The following DOP1B variants were observed in gnomAD, a reference collection of about 807,000 sequenced individuals.
The protein encoded by DOP1B is protein DOP1B.
A neutral mutation model predicts 233.5 loss-of-function variants in DOP1B; 174 were observed. That is an observed-to-expected ratio of 0.75 (90% confidence interval 0.66 to 0.85). The LOEUF is 0.85. DOP1B is among the 40% of genes least tolerant of loss of function. The pLI is 0.00. For synonymous variants in DOP1B, 1,190 were observed against 1,185.6 expected, an observed-to-expected ratio of 1.00 and a Z score of -0.08; for missense variants, 2,652 against 2,846.6, an observed-to-expected ratio of 0.93 and a Z score of 1.56.
At chr21:36,224,355 T>C (rs772433461) in intron 11 of DOP1B, among the ~76,000 whole-genome samples, 1 of 152,102 alleles carries the variant, frequency 6.6e-6, no homozygotes, top group Non-Finnish European at 1.5e-5. Flanking sequence ...AATTTTTGTA[T>C]TTTTAGTAGA....
At chr21:36,234,054 G>A (rs1248927888) in intron 15 of DOP1B, among the ~76,000 whole-genome samples, 2 of 151,728 alleles carry the variant, frequency 1.3e-5, no homozygotes, top group Non-Finnish European at 2.9e-5. Flanking sequence ...GGGTTTTACC[G>A]CATTGGCCAG....
intron 7 of DOP1B, among the ~76,000 whole-genome samples, chr21:36,213,832 G>A (rs1471893672): frequency 2.6e-5 from 4 of 151,882 alleles, no homozygotes; most frequent in Admixed American, 6.5e-5. Flanking sequence ...GAGCCACCGC[G>A]CCCAGCCAAC....
intron 22 of DOP1B, 135 bp from the exon 23 acceptor site, chr21:36,253,637 C>CAAAAAAA: frequency 6.3e-6 from 5 of 794,264 alleles, no homozygotes; most frequent in Non-Finnish European, 8.7e-6. Flanking sequence ...GACCGTGTTT[C>CAAAAAAA]AAAAAAAAAA....
chr21:36,171,575 G>A (rs927811807), intron 2 of DOP1B, among the ~76,000 whole-genome samples: 25 of 152,190 alleles, frequency 1.6e-4, no homozygotes, highest in African/African-American at 6.0e-4. Context: ...CACCATGTGA[G>A]GATGAAGGCA....
rs1601490820 is a variant in DOP1B at position 36,293,693 on chromosome 21, A to T, written c.*122A>T. The T allele has an allele frequency of 8.3e-7, 1 of 1,205,236 alleles. No individual in the cohort carries two copies. Among genetic ancestry groups the T allele is most frequent in the East Asian group, 2.4e-5 (1 of 42,450 alleles). 74.7% of individuals were successfully genotyped at this position (1,205,236 alleles called of 1,614,324 possible). A position where few individuals can be genotyped will look rare whatever the true frequency, so the allele number is the denominator to read the frequency against. ...ACAAGCCTATTTCCATTTTGAAAGT[A>T]GATTTCAGGCTAGGTGCGGTGGCTC... On this transcript the variant is annotated 3_prime_UTR_variant, in exon 37 of 37. Transcript: ENST00000691173.
chr21:36,257,883 TTAGGTAGGTAGGTAGATG>T (rs1424266750), intron 23 of DOP1B, among the ~76,000 whole-genome samples: 3 of 139,526 alleles, frequency 2.2e-5, no homozygotes, highest in Admixed American at 7.1e-5. Flanking sequence ...GTAGATGTAG[TTAGGTAGGTAGGTAGATG>T]TAGGTAGGTA....
intron 2 of DOP1B, among the ~76,000 whole-genome samples, chr21:36,197,464 AT>A (rs953776554): frequency 1.4e-4 from 21 of 152,160 alleles, no homozygotes; most frequent in African/African-American, 5.1e-4. Context: ...TGCAGCTGGC[AT>A]TGCACATGTC....
chr21:36,279,973 T>C (rs1481401242), intron 30 of DOP1B, among the ~76,000 whole-genome samples: 2 of 152,190 alleles, frequency 1.3e-5, no homozygotes, highest in Non-Finnish European at 2.9e-5. Context: ...CCTCCCGGGT[T>C]CAAGCGATTC....
intron 14 of DOP1B, 38 bp from the exon 15 acceptor site, chr21:36,232,766 T>C (rs748699443): frequency 1.2e-6 from 2 of 1,610,258 alleles, no homozygotes; most frequent in East Asian, 4.5e-5. Flanking sequence ...CTCACGTGGT[T>C]CTGCTTGTTT....
intron 12 of DOP1B, among the ~76,000 whole-genome samples, chr21:36,226,884 C>T (rs1034465007): frequency 2.0e-5 from 3 of 152,160 alleles, no homozygotes; most frequent in Non-Finnish European, 4.4e-5. Flanking sequence ...AGGCATGAGC[C>T]ACTACGCCTA....
At chr21:36,188,278 T>G (rs1433592306) in intron 2 of DOP1B, among the ~76,000 whole-genome samples, 2 of 152,204 alleles carry the variant, frequency 1.3e-5, no homozygotes, top group Non-Finnish European at 2.9e-5. Context: ...GCTCTCCCAG[T>G]TCAACAAAAA....
chr21:36,171,084 G>A (rs140028346), intron 2 of DOP1B, among the ~76,000 whole-genome samples: 15 of 152,338 alleles, frequency 9.8e-5, no homozygotes, highest in East Asian at 7.7e-4. Context: ...CTTGAGATCC[G>A]TCTCAGGTTC....
rs542364079 is a variant in DOP1B at position 36,223,347 on chromosome 21, T to C, written c.1367T>C (p.Phe456Ser). ...ATGACAAGGTGTTTTGAGGAATGCT[T>C]TAGGTAAGTATGCAGTTCAAGAATG... ...DYMTRCFEEC[F>S]RPVKQRYSVR... Residue 456 changes from phenylalanine (F) to serine (S), a missense_variant, in exon 11 of 37, where the codon TTT (phenylalanine) becomes TCT (serine). Physicochemically the swap from Phe to Ser is radical, Grantham distance 155. This residue lies in a region of DOP1B where 2,617 missense variants were observed against 2,794.3 expected (regional missense o/e 0.94). Coordinates refer to ENST00000691173, the MANE Select transcript of DOP1B (RefSeq NM_001320714.2). 4 of 1,608,566 alleles carry C rather than the reference T, an allele frequency of 2.5e-6. No homozygotes were observed. The highest frequency in any genetic ancestry group is 3.4e-6 in the Non-Finnish European group (4 of 1,178,838).
At chr21:36,225,761 A>G in intron 12 of DOP1B, 94 bp downstream of exon 12, 1 of 1,248,816 alleles carries the variant, frequency 8.0e-7, no homozygotes, top group Middle Eastern at 1.9e-4. Context: ...ATTACTGAAA[A>G]TGTTTTACAT....
rs1007628815 is a variant in DOP1B at position 36,206,716 on chromosome 21, C to A, written c.492-1999C>A. ...ATATGCAGTTCTAATTAAAGGGGGACTGTGACACCACGATGTGTGCATTAT... is the reference window on the plus strand; with the variant it reads ...ATATGCAGTTCTAATTAAAGGGGGAATGTGACACCACGATGTGTGCATTAT... On this transcript the variant is annotated intron_variant, in intron 4 of 36. Transcript: ENST00000691173. Among the ~76,000 whole-genome samples the A allele has an allele frequency of 5.3e-5, 8 of 152,190 alleles. 1 individual carries two copies. Among genetic ancestry groups the A allele is most frequent in the Admixed American group, 5.2e-4 (8 of 15,280 alleles).
intron 27 of DOP1B, among the ~76,000 whole-genome samples, 167 bp from the exon 28 acceptor site, chr21:36,276,854 A>AAAG (rs371105188): frequency 0.03 from 4,516 of 151,122 alleles, 95 homozygotes; most frequent in Non-Finnish European, 0.045. Context: ...AAAAAAAAAA[A>AAAG]AAAAAGAAAA....
chr21:36,198,084 C>A (rs1031303067), intron 2 of DOP1B, among the ~76,000 whole-genome samples: 2 of 151,148 alleles, frequency 1.3e-5, no homozygotes, highest in East Asian at 3.9e-4. Flanking sequence ...TTTGTGTGAG[C>A]AAATGAACTA....
At chr21:36,174,974 A>G (rs1472373031) in intron 2 of DOP1B, among the ~76,000 whole-genome samples, 1 of 152,226 alleles carries the variant, frequency 6.6e-6, no homozygotes, top group Non-Finnish European at 1.5e-5. Context: ...CAGTTCTGGA[A>G]GCCAGAAGTC....
chr21:36,227,311 G>A (rs929783985), intron 12 of DOP1B, among the ~76,000 whole-genome samples: 2 of 152,138 alleles, frequency 1.3e-5, no homozygotes, highest in African/African-American at 4.8e-5. Flanking sequence ...ACTTTGGGAG[G>A]CCAAGGTGGA....
Sources: gnomAD v4.1 joint callset for allele counts (sites outside exome capture counted in the v4.1 genomes callset) on GRCh38, gnomAD v4.1.1 for gene constraint, gnomAD v4.1.1 regional missense constraint, MANE v1.5 for transcripts, NCBI Gene and HGNC (gene_info 2026-07-23, HGNC 2026-07-21) for gene names.